Variants in GFPT2 observed in about 807,000 individuals in gnomAD.
The protein encoded by GFPT2 is glutamine--fructose-6-phosphate aminotransferase [isomerizing] 2.
A neutral mutation model predicts 85.6 loss-of-function variants in GFPT2; 62 were observed. The ratio of observed to expected loss-of-function variants is 0.72; its 90% CI spans 0.59 to 0.90. The LOEUF is 0.90. Among genes scored for constraint, GFPT2 ranks in the 40% least tolerant of loss-of-function variants. The probability of loss-of-function intolerance (pLI) is 0.00; values close to 1 mark genes in which losing one functional copy is unlikely to be tolerated. For missense variants in GFPT2, 788 were observed against 893.4 expected, an observed-to-expected ratio of 0.88 and a Z score of 1.50; for synonymous variants, 368 against 344.5, an observed-to-expected ratio of 1.07 and a Z score of -0.75.
intron 17 of GFPT2, among the ~76,000 whole-genome samples, chr5:180,304,216 A>G (rs1478132048): frequency 2.0e-5 from 3 of 152,168 alleles, no homozygotes; most frequent in East Asian, 1.9e-4. Flanking sequence ...GCTGTGATTT[A>G]TATCTTTTAT....
intron 9 of GFPT2, among the ~76,000 whole-genome samples, chr5:180,321,534 TC>T (rs1245093699): frequency 6.6e-6 from 1 of 152,180 alleles, no homozygotes; most frequent in Non-Finnish European, 1.5e-5. Context: ...AGCTGTGCCT[TC>T]CCCAGAGGTC....
chr5:180,332,403 C>T (rs758127518), intron 4 of GFPT2, among the ~76,000 whole-genome samples: 8 of 152,196 alleles, frequency 5.3e-5, no homozygotes, highest in Non-Finnish European at 1.0e-4. Context: ...TCCCTCTCCC[C>T]CTAGAGGACA....
chr5:180,347,086 C>A (rs531374830), intron 1 of GFPT2, among the ~76,000 whole-genome samples: 1 of 152,172 alleles, frequency 6.6e-6, no homozygotes, highest in African/African-American at 2.4e-5. Context: ...GGATGCTGAG[C>A]GCCCAGAGGG....
intron 16 of GFPT2, among the ~76,000 whole-genome samples, chr5:180,306,488 C>G (rs1002583704): frequency 1.3e-5 from 2 of 152,264 alleles, no homozygotes; most frequent in Non-Finnish European, 2.9e-5. Flanking sequence ...CCCTGCACGG[C>G]TCTCTGCCCA....
chr5:180,329,964 T>C (rs561158145), intron 6 of GFPT2, among the ~76,000 whole-genome samples: 1 of 152,266 alleles, frequency 6.6e-6, no homozygotes, highest in East Asian at 1.9e-4. Context: ...CCCCAATCTC[T>C]CTCCCTCTCT....
At chr5:180,345,579 G>C (rs1764590729) in intron 1 of GFPT2, among the ~76,000 whole-genome samples, 1 of 152,258 alleles carries the variant, frequency 6.6e-6, no homozygotes, top group Non-Finnish European at 1.5e-5. Context: ...ACATAGCCCT[G>C]GTTATTCCAC....
At position 180,331,853 on chromosome 5, in the gene GFPT2, C is replaced by T. The variant is rs930255911; in HGVS notation, c.341-300G>A. On this transcript the variant is annotated intron_variant, in intron 4 of 18. Transcript: ENST00000253778. ...ACCGTGCAGAGAGCTCTCCCCTGTG[C>T]GCTATTATAGTATCAAACAGGCTTT... Among the ~76,000 whole-genome samples, 15 of 152,240 alleles carry T rather than the reference C, an allele frequency of 9.9e-5. No individual in the cohort carries two copies. The East Asian group carries it at 2.5e-3, about 26-fold the overall frequency.
chr5:180,332,186 G>GCGGGC (rs1218057589), intron 4 of GFPT2, among the ~76,000 whole-genome samples: 35 of 151,272 alleles, frequency 2.3e-4, no homozygotes, highest in African/African-American at 7.3e-4. Context: ...CCCAGCTCAC[G>GCGGGC]CGGGCGGCTT....
chr5:180,326,426 G>A (rs1004381691), intron 7 of GFPT2, among the ~76,000 whole-genome samples: 2 of 152,062 alleles, frequency 1.3e-5, no homozygotes, highest in Non-Finnish European at 2.9e-5. Context: ...CTTGCTCATC[G>A]GCTTGAATCC....
At chr5:180,313,299 G>A (rs1350338871) in intron 14 of GFPT2, among the ~76,000 whole-genome samples, 1 of 151,976 alleles carries the variant, frequency 6.6e-6, no homozygotes, top group Admixed American at 6.5e-5. Context: ...GAGACTAAAT[G>A]AAGATATGGG....
rs1764065031 is a variant in GFPT2, at chr5:180,318,890, A to G, written c.861T>C (p.Asp287=). Residue 287 remains aspartate (D), a synonymous_variant, in exon 10 of 19, where the codon GAT becomes GAC. Transcript: ENST00000253778. This position sits in a 1 kb window ranked among gnomAD's most constrained non-coding sequence, Gnocchi z 4.2. Reference sequence around the variant, plus strand: ...TGACCCGGTGAATGGAGAGTTTCCCATCAGCCACTGCGGCGATGTCATCGT... The same window carrying G: ...TGACCCGGTGAATGGAGAGTTTCCCGTCAGCCACTGCGGCGATGTCATCGT... ...LEDDDIAAVA[D]GKLSIHRVKR... The G allele has an allele frequency of 2.5e-6, 4 of 1,613,974 alleles. No individual in the cohort carries two copies. The highest frequency in any genetic ancestry group is 3.4e-6 in the Non-Finnish European group (4 of 1,180,008).
intron 3 of GFPT2, 109 bp downstream of exon 3, chr5:180,336,370 T>C (rs1012925197): frequency 3.9e-6 from 3 of 768,718 alleles, no homozygotes; most frequent in Non-Finnish European, 7.1e-6. Flanking sequence ...CCTCTGTTTA[T>C]CTGAGCTGGG....
intron 1 of GFPT2, among the ~76,000 whole-genome samples, chr5:180,340,767 G>T (rs548103755): frequency 1.3e-5 from 2 of 151,664 alleles, no homozygotes; most frequent in Non-Finnish European, 2.9e-5. Context: ...GCCCACCTCC[G>T]CCTCCCAAAG....
In GFPT2 at chr5:180,345,558, C is replaced by T. The variant is rs937241226; in HGVS notation, c.8-6958G>A. ...GGTTTTAGCAGATCTTTCCCACCAC[C>T]TTCTCCAGCCACATAGCCCTGGTTA... On this transcript the variant is annotated intron_variant, in intron 1 of 18. Transcript: ENST00000253778. Among the ~76,000 whole-genome samples the T allele has an allele frequency of 3.3e-5, 5 of 152,340 alleles. No individual in the cohort carries two copies. The East Asian group carries it at 7.7e-4, about 23-fold the overall frequency.
At chr5:180,304,126 G>C (rs139930456) in intron 17 of GFPT2, among the ~76,000 whole-genome samples, 1 of 152,322 alleles carries the variant, frequency 6.6e-6, no homozygotes, top group East Asian at 1.9e-4. Flanking sequence ...ACACAGTGAC[G>C]TGCTGGGAGG....
At chr5:180,312,658 G>T in intron 14 of GFPT2, 114 bp from the exon 15 acceptor site, 1 of 634,344 alleles carries the variant, frequency 1.6e-6, no homozygotes, top group Non-Finnish European at 2.9e-6. Context: ...GCGAGATCAC[G>T]GCTCACTGCA....
chr5:180,321,846 C>G (rs902791017), intron 9 of GFPT2, among the ~76,000 whole-genome samples: 3 of 152,184 alleles, frequency 2.0e-5, no homozygotes, highest in Non-Finnish European at 2.9e-5. Context: ...TGCAGTGGCG[C>G]GATCTCGGCT....
chr5:180,337,459 A>G (rs991600171), intron 2 of GFPT2, among the ~76,000 whole-genome samples: 2 of 152,048 alleles, frequency 1.3e-5, no homozygotes, highest in African/African-American at 2.4e-5. Flanking sequence ...TCTCGAAAAA[A>G]AAAAAAAAAG....
chr5:180,334,630 T>C (rs938155981), intron 4 of GFPT2, among the ~76,000 whole-genome samples: 1 of 152,220 alleles, frequency 6.6e-6, no homozygotes, highest in African/African-American at 2.4e-5. Context: ...TGCCAGAGGA[T>C]GTCTTGGGTT....
Sources: allele counts gnomAD v4.1 joint callset (sites outside exome capture counted in the v4.1 genomes callset), GRCh38; gene constraint gnomAD v4.1.1; non-coding constraint Gnocchi (gnomAD v3.1); transcripts MANE v1.5; gene names NCBI Gene and HGNC (gene_info 2026-07-23, HGNC 2026-07-21).